The following SDK1 variants were observed in gnomAD, a reference collection of about 807,000 sequenced individuals.
SDK1 encodes sidekick cell adhesion molecule 1.
In SDK1, 157 loss-of-function variants were observed where a neutral mutation model predicts 245.5. The observed-to-expected ratio is 0.64, with a 90% CI of 0.56 to 0.73. SDK1 has a LOEUF of 0.73. Among genes scored for constraint, SDK1 ranks in the 30% least tolerant of loss-of-function variants. The pLI is 0.00. For missense variants in SDK1, 3,583 were observed against 3,002.3 expected, an observed-to-expected ratio of 1.19 and a Z score of -4.52; for synonymous variants, 1,647 against 1,278.5, an observed-to-expected ratio of 1.29 and a Z score of -6.15.
At chr7:4,256,656 T>C (rs1243415643) in intron 44 of SDK1, among the ~76,000 whole-genome samples, 1 of 152,082 alleles carries the variant, frequency 6.6e-6, no homozygotes, top group Non-Finnish European at 1.5e-5. Flanking sequence ...GAATAAAGAG[T>C]AATGTACGTC....
chr7:4,002,170 G>A (rs1478246449), intron 14 of SDK1, among the ~76,000 whole-genome samples: 1 of 152,178 alleles, frequency 6.6e-6, no homozygotes, highest in African/African-American at 2.4e-5. Flanking sequence ...TTCTCTCTTA[G>A]TGCCCAGATG....
At chr7:3,552,021 A>G (rs1209726359) in intron 1 of SDK1, among the ~76,000 whole-genome samples, 1 of 151,794 alleles carries the variant, frequency 6.6e-6, no homozygotes, top group Non-Finnish European at 1.5e-5. Flanking sequence ...TAAACATGAA[A>G]GATTTTACTC....
intron 1 of SDK1, among the ~76,000 whole-genome samples, chr7:3,529,913 ACTGACAGACT>A (rs1258527988): frequency 6.6e-6 from 1 of 152,160 alleles, no homozygotes; most frequent in Non-Finnish European, 1.5e-5. Flanking sequence ...ACGAGAAAAC[ACTGACAGACT>A]CTGGTTAGGG....
intron 17 of SDK1, among the ~76,000 whole-genome samples, chr7:4,031,472 G>A (rs1443647): frequency 0.32 from 48,719 of 151,958 alleles, 12,393 homozygotes; most frequent in African/African-American, 0.71. Flanking sequence ...CTATGTAAAC[G>A]TCTGAATTAT....
intron 1 of SDK1, among the ~76,000 whole-genome samples, chr7:3,482,004 A>G (rs1277421832): frequency 6.7e-6 from 1 of 150,016 alleles, no homozygotes; most frequent in Non-Finnish European, 1.5e-5. Context: ...AAATATAATA[A>G]GGGATTAATA....
intron 1 of SDK1, among the ~76,000 whole-genome samples, chr7:3,517,502 G>A (rs549239278): frequency 1.3e-5 from 2 of 152,172 alleles, no homozygotes; most frequent in African/African-American, 2.4e-5. Flanking sequence ...CAACACTTTT[G>A]CTTGCTTCCT....
chr7:3,598,589 C>A (rs982620623), intron 1 of SDK1, among the ~76,000 whole-genome samples: 2 of 152,198 alleles, frequency 1.3e-5, no homozygotes, highest in South Asian at 4.1e-4. Flanking sequence ...CCTGCATTGC[C>A]CTTTAATTGT....
chr7:3,508,409 C>A (rs536439717), intron 1 of SDK1, among the ~76,000 whole-genome samples: 1 of 150,194 alleles, frequency 6.7e-6, no homozygotes, highest in Admixed American at 6.7e-5. Flanking sequence ...CTCACTGTAA[C>A]CTCTACCTCC....
intron 1 of SDK1, among the ~76,000 whole-genome samples, chr7:3,307,041 T>C (rs1779433453): frequency 6.6e-6 from 1 of 152,180 alleles, no homozygotes; most frequent in South Asian, 2.1e-4. Flanking sequence ...AAAGGTGTAG[T>C]ATAAAGAAAA....
At chr7:3,906,676 G>A (rs907199819) in intron 5 of SDK1, among the ~76,000 whole-genome samples, 1 of 136,402 alleles carries the variant, frequency 7.3e-6, no homozygotes, top group Admixed American at 8.1e-5. Flanking sequence ...CGCCCAGGCT[G>A]GAGTGCAGTG....
intron 25 of SDK1, among the ~76,000 whole-genome samples, chr7:4,121,591 C>G (rs899142016): frequency 1.3e-5 from 2 of 152,216 alleles, no homozygotes; most frequent in Non-Finnish European, 2.9e-5. Context: ...CCTTTATAAA[C>G]TACCCAGTAT....
intron 4 of SDK1, among the ~76,000 whole-genome samples, chr7:3,675,503 C>T (rs954630318): frequency 6.6e-6 from 1 of 152,096 alleles, no homozygotes; most frequent in African/African-American, 2.4e-5. Flanking sequence ...CTTAAAGTGG[C>T]CTACAAAAGT....
At chr7:3,664,730 ACT>A (rs1783474194) in intron 4 of SDK1, among the ~76,000 whole-genome samples, 1 of 134,034 alleles carries the variant, frequency 7.5e-6, no homozygotes, top group Admixed American at 8.3e-5. Flanking sequence ...ACAGAGCGAG[ACT>A]CTGTCTCAAA....
intron 1 of SDK1, among the ~76,000 whole-genome samples, chr7:3,573,924 G>C (rs1475956205): frequency 6.6e-6 from 1 of 151,074 alleles, no homozygotes; most frequent in African/African-American, 2.5e-5. Context: ...TTTTATGACA[G>C]GTTCATCAAT....
rs927835781 is a variant in SDK1 at position 4,023,451 on chromosome 7, A to G, written c.2602+6099A>G. On this transcript the variant is annotated intron_variant, in intron 17 of 44. Transcript: ENST00000404826. ...ACAGAAGCTGTGGCCTGAAACTCCAACAGACTCAGTTCCGCATATCAAATT... is the reference window on the plus strand; with the variant it reads ...ACAGAAGCTGTGGCCTGAAACTCCAGCAGACTCAGTTCCGCATATCAAATT... Among the ~76,000 whole-genome samples, 5 of 152,282 alleles carry G rather than the reference A, an allele frequency of 3.3e-5. No homozygotes were observed. In the South Asian group the frequency reaches 8.3e-4, roughly 25 times the overall value.
intron 20 of SDK1, among the ~76,000 whole-genome samples, chr7:4,070,386 G>A (rs1446315800): frequency 1.3e-5 from 2 of 152,168 alleles, no homozygotes; most frequent in African/African-American, 4.8e-5. Context: ...AAGGACTCGT[G>A]GCATGCTCTG....
chr7:3,762,957 T>G (rs1162872857), intron 4 of SDK1, among the ~76,000 whole-genome samples: 1 of 152,154 alleles, frequency 6.6e-6, no homozygotes, highest in African/African-American at 2.4e-5. Context: ...CCTGGTTCTT[T>G]CCCTCTTAAG....
At chr7:3,844,625 CT>C (rs1248872092) in intron 5 of SDK1, among the ~76,000 whole-genome samples, 2 of 152,168 alleles carry the variant, frequency 1.3e-5, no homozygotes, top group Non-Finnish European at 1.5e-5. Context: ...ACCCGCTTCC[CT>C]AACTATAATT....
chr7:3,652,543 T>C (rs1356184380), intron 4 of SDK1, among the ~76,000 whole-genome samples: 1 of 152,160 alleles, frequency 6.6e-6, no homozygotes, highest in Non-Finnish European at 1.5e-5. Flanking sequence ...AGATTTCTCG[T>C]GGATTTTTAT....
Sources: gnomAD v4.1 joint callset for allele counts (sites outside exome capture counted in the v4.1 genomes callset) on GRCh38, gnomAD v4.1.1 for gene constraint, MANE v1.5 for transcripts, NCBI Gene and HGNC (gene_info 2026-07-23, HGNC 2026-07-21) for gene names.